Variants in HECW1 observed in about 807,000 individuals in gnomAD.
The protein encoded by HECW1 is HECT, C2 and WW domain containing E3 ubiquitin protein ligase 1, also known as E3 ubiquitin-protein ligase HECW1.
A neutral mutation model predicts 182.3 loss-of-function variants in HECW1; 61 were observed. That is an observed-to-expected ratio of 0.33 (90% confidence interval 0.27 to 0.41). The LOEUF is 0.41. HECW1 is among the 10% of genes least tolerant of loss of function. HECW1 has a pLI of 1.00. For missense variants in HECW1, 1,739 were observed against 2,108.9 expected (o/e 0.82, Z 3.44); for synonymous variants, 859 against 832.6 (o/e 1.03, Z -0.55).
rs1220460168 is a variant in HECW1, at chr7:43,456,590, T to C, written c.2651+143T>C. ...AGTATCTTAAGAAACCTGTTCCTAG[T>C]AGGTATTTGGAAAGCTAGATTTAGA... On this transcript the variant is annotated intron_variant, in intron 13 of 29. Coordinates refer to ENST00000395891, the MANE Select transcript of HECW1 (RefSeq NM_015052.5). 1.2e-5 allele frequency: 9 copies of C among 741,366 alleles called. No individual in the cohort carries two copies. In the East Asian group the frequency reaches 2.9e-4, roughly 24 times the overall value. The allele number at this position is 741,366 out of a possible 1,614,324, so 45.9% of individuals were successfully genotyped here.
chr7:43,125,067 C>A (rs1045724545), intron 2 of HECW1, among the ~76,000 whole-genome samples: 1 of 152,142 alleles, frequency 6.6e-6, no homozygotes, highest in African/African-American at 2.4e-5. Flanking sequence ...TAAGAGCCCC[C>A]TTCTGGGTTG....
chr7:43,250,385 G>A (rs1427995076), intron 3 of HECW1, among the ~76,000 whole-genome samples: 3 of 152,124 alleles, frequency 2.0e-5, no homozygotes, highest in African/African-American at 7.2e-5. Context: ...TATTTATTGA[G>A]CGCCTACTGT....
At chr7:43,525,704 T>C (rs904592343) in intron 24 of HECW1, among the ~76,000 whole-genome samples, 1 of 152,168 alleles carries the variant, frequency 6.6e-6, no homozygotes, top group African/African-American at 2.4e-5. Flanking sequence ...TTGGTGGAGA[T>C]GTATAAAACT....
chr7:43,501,667 C>T (rs2079366233), intron 21 of HECW1, among the ~76,000 whole-genome samples: 1 of 151,750 alleles, frequency 6.6e-6, no homozygotes, highest in South Asian at 2.1e-4. Flanking sequence ...CCCTTCTCTA[C>T]AAAAAAATTA....
intron 2 of HECW1, among the ~76,000 whole-genome samples, chr7:43,237,327 C>T (rs778918812): frequency 5.3e-5 from 8 of 152,154 alleles, no homozygotes; most frequent in Non-Finnish European, 8.8e-5. Context: ...TGGAGCCCTC[C>T]TCGGCTCTTA....
intron 13 of HECW1, among the ~76,000 whole-genome samples, chr7:43,460,711 G>C (rs2077554607): frequency 6.6e-6 from 1 of 152,176 alleles, no homozygotes; most frequent in Non-Finnish European, 1.5e-5. Flanking sequence ...AAATAGAAGA[G>C]AGCTGCCTCC....
At chr7:43,412,370 A>T (rs1328147340) in intron 8 of HECW1, among the ~76,000 whole-genome samples, 1 of 151,974 alleles carries the variant, frequency 6.6e-6, no homozygotes, top group Non-Finnish European at 1.5e-5. Flanking sequence ...CTAGGAAAAA[A>T]ATATAGTCCT....
intron 2 of HECW1, 121 bp downstream of exon 2, chr7:43,114,512 T>C: frequency 1.1e-6 from 1 of 874,256 alleles, no homozygotes; most frequent in Non-Finnish European, 1.6e-6. Flanking sequence ...AGATAGATTG[T>C]GGTAGAATTC....
intron 28 of HECW1, among the ~76,000 whole-genome samples, chr7:43,553,859 A>G (rs989027629): frequency 6.6e-6 from 1 of 152,050 alleles, no homozygotes; most frequent in Non-Finnish European, 1.5e-5. Flanking sequence ...CTCCACTTGC[A>G]CAAGCCCTTT....
chr7:43,359,713 G>C (rs1815628579), intron 5 of HECW1, among the ~76,000 whole-genome samples: 1 of 152,034 alleles, frequency 6.6e-6, no homozygotes, highest in African/African-American at 2.4e-5. Context: ...CATTTCAAAT[G>C]CATGCTAATA....
At chr7:43,230,625 G>A (rs1797795852) in intron 2 of HECW1, among the ~76,000 whole-genome samples, 2 of 152,224 alleles carry the variant, frequency 1.3e-5, no homozygotes, top group South Asian at 4.2e-4. Flanking sequence ...CTGTTTTTAG[G>A]AAATATGCAT....
intron 24 of HECW1, among the ~76,000 whole-genome samples, chr7:43,517,076 TC>T (rs2080189987): frequency 6.6e-6 from 1 of 152,200 alleles, no homozygotes. Context: ...CTAACATGTA[TC>T]ATTTTAAGAA....
intron 4 of HECW1, 25 bp downstream of exon 4, chr7:43,312,112 T>A (rs1328527392): frequency 1.3e-6 from 2 of 1,576,956 alleles, no homozygotes; most frequent in Non-Finnish European, 1.7e-6. Context: ...CCAAGTGTAT[T>A]ATTCATAATT....
rs891272542 is a variant in HECW1, at chr7:43,456,354, G to A, written c.2558G>A (p.Arg853His). Residue 853 changes from arginine (R) to histidine (H), a missense_variant, in exon 13 of 30, where the codon CGC becomes CAC. By Grantham distance (29) the Arg-to-His change is conservative. Around this residue, in one of 5 missense-constraint regions of HECW1, gnomAD observed 971 missense variants for 1,029.1 expected, o/e 0.94. Coordinates refer to ENST00000395891, the MANE Select transcript of HECW1 (RefSeq NM_015052.5). ...GRVFYVDHVNRTTTWQRPTAA... is the reference protein window; with the variant it reads ...GRVFYVDHVNHTTTWQRPTAA... ...GTCTTTTATGTGGACCACGTGAACC[G>A]CACAACCACCTGGCAGCGTCCGACG... is the stretch of plus-strand genomic sequence containing the variant. The A allele has an allele frequency of 2.5e-5, 41 of 1,613,890 alleles. No homozygotes were observed. The highest frequency in any genetic ancestry group is 8.0e-5 in the African/African-American group (6 of 74,914).
chr7:43,322,758 G>A (rs1010147588), intron 5 of HECW1, among the ~76,000 whole-genome samples: 1 of 152,206 alleles, frequency 6.6e-6, no homozygotes, highest in African/African-American at 2.4e-5. Flanking sequence ...GTGATTGTTA[G>A]ACATAATACT....
chr7:43,320,102 G>A (rs1304499842), intron 4 of HECW1, among the ~76,000 whole-genome samples: 1 of 152,184 alleles, frequency 6.6e-6, no homozygotes, highest in African/African-American at 2.4e-5. Context: ...AATGAACAAT[G>A]AATGCATGAG....
chr7:43,225,086 G>A (rs1290439787), intron 2 of HECW1, among the ~76,000 whole-genome samples: 2 of 152,168 alleles, frequency 1.3e-5, no homozygotes, highest in African/African-American at 2.4e-5. Context: ...GAAGATGACA[G>A]GTGACACATT....
At chr7:43,260,604 A>T (rs1267469667) in intron 3 of HECW1, among the ~76,000 whole-genome samples, 1 of 152,230 alleles carries the variant, frequency 6.6e-6, no homozygotes, top group African/African-American at 2.4e-5. Context: ...CTGAGGAGAT[A>T]CCAGGAGGCC....
intron 26 of HECW1, 45 bp from the exon 27 acceptor site, chr7:43,550,400 T>G: frequency 1.9e-6 from 3 of 1,610,462 alleles, no homozygotes; most frequent in Non-Finnish European, 1.7e-6. Flanking sequence ...CCCTGAGAGA[T>G]AAGCAGAACT....
Sources: allele counts gnomAD v4.1 joint callset (sites outside exome capture counted in the v4.1 genomes callset), GRCh38; gene constraint gnomAD v4.1.1; regional missense constraint gnomAD v4.1.1; transcripts MANE v1.5; gene names NCBI Gene and HGNC (gene_info 2026-07-23, HGNC 2026-07-21).